The following PKIA variants were observed in gnomAD, a reference collection of about 807,000 sequenced individuals.
PKIA encodes the protein cAMP-dependent protein kinase inhibitor alpha.
Under a neutral mutation model 7.6 loss-of-function variants are expected in PKIA, and 4 were observed. The ratio of observed to expected loss-of-function variants is 0.52; its 90% CI spans 0.26 to 1.20. The LOEUF (loss-of-function observed/expected upper bound fraction) is 1.20, where lower values mean the gene tolerates loss of function less well. Ranked by LOEUF, PKIA falls within the 50% of genes most tolerant of loss-of-function variation. The pLI is 0.13. For missense variants in PKIA, 73 were observed against 86.2 expected (o/e 0.85, Z 0.61); for synonymous variants, 21 against 30.7 (o/e 0.68, Z 1.04).
chr8:78,529,229 T>G (rs1242466096), intron 1 of PKIA, among the ~76,000 whole-genome samples: 3 of 152,162 alleles, frequency 2.0e-5, no homozygotes, highest in Non-Finnish European at 4.4e-5. Context: ...AAAATATACC[T>G]GCTACTTCCT....
At chr8:78,570,350 T>C (rs1807516238) in intron 1 of PKIA, among the ~76,000 whole-genome samples, 1 of 152,174 alleles carries the variant, frequency 6.6e-6, no homozygotes, top group Non-Finnish European at 1.5e-5. Flanking sequence ...AGATTTCGGA[T>C]CTGAAACTAT....
intron 1 of PKIA, among the ~76,000 whole-genome samples, chr8:78,522,378 G>A (rs941360583): frequency 6.6e-6 from 1 of 151,784 alleles, no homozygotes; most frequent in Non-Finnish European, 1.5e-5. Flanking sequence ...AAGAATGCTT[G>A]GAGTGGAATT....
rs1464376078 is a variant in PKIA at position 78,598,562 on chromosome 8, A to C, written c.151+27A>C. 9 of 1,581,350 alleles carry C rather than the reference A, an allele frequency of 5.7e-6. 1 individual carries two copies. In the South Asian group the frequency reaches 9.0e-5, roughly 16 times the overall value. ...TAAGTCATCTGGCACACATTTCTCT[A>C]TGAGCATGGAATGATTTGCGGCATT... On this transcript the variant is annotated intron_variant, in intron 3 of 3. Coordinates refer to ENST00000396418, the MANE Select transcript of PKIA (RefSeq NM_006823.4).
chr8:78,559,270 T>G (rs577072358), intron 1 of PKIA, among the ~76,000 whole-genome samples: 1 of 152,082 alleles, frequency 6.6e-6, no homozygotes, highest in African/African-American at 2.4e-5. Context: ...CTACCGACTC[T>G]AGGAAGTAGC....
In PKIA at chr8:78,543,395, C is replaced by G. The variant is rs112057407; in HGVS notation, c.-157+26927C>G. On this transcript the variant is annotated intron_variant, in intron 1 of 3. Transcript: ENST00000396418. ...CACAATGTCTTACATATTATTTCACCAGGCTAACAGATACCTGGAGTACAA... is the reference window on the plus strand; with the variant it reads ...CACAATGTCTTACATATTATTTCACGAGGCTAACAGATACCTGGAGTACAA... Among the ~76,000 whole-genome samples the G allele has an allele frequency of 6.4e-3, 980 of 152,264 alleles. 4 individuals carry two copies. Among genetic ancestry groups the G allele is most frequent in the Non-Finnish European group, 0.011 (724 of 68,010 alleles).
intron 3 of PKIA, among the ~76,000 whole-genome samples, chr8:78,599,332 ATAT>A (rs1808302010): frequency 6.6e-6 from 1 of 152,058 alleles, no homozygotes; most frequent in East Asian, 1.9e-4. Context: ...GGAAACCCTG[ATAT>A]TATGTGCATG....
Position 78,543,821 on chromosome 8 carries a change from G to A in PKIA, c.-157+27353G>A, listed in dbSNP as rs115376411. 3.4e-3 allele frequency among the ~76,000 whole-genome samples: 510 copies of A among 152,216 alleles called. 4 individuals are homozygous for A. Among genetic ancestry groups the A allele is most frequent in the African/African-American group, 0.011 (476 of 41,526 alleles). ...TTGTTTTCTCTAAAATTACGATGTC[G>A]TGTTGCTGCCCATTGAATATATCCA... On this transcript the variant is annotated intron_variant, in intron 1 of 3. Coordinates refer to ENST00000396418, the MANE Select transcript of PKIA (RefSeq NM_006823.4).
intron 1 of PKIA, among the ~76,000 whole-genome samples, chr8:78,571,666 C>T (rs956229572): frequency 1.3e-5 from 2 of 152,096 alleles, no homozygotes; most frequent in Non-Finnish European, 2.9e-5. Flanking sequence ...GGCTTTCTTT[C>T]ATGCCTCTAT....
At chr8:78,563,039 A>G (rs949975304) in intron 1 of PKIA, among the ~76,000 whole-genome samples, 1 of 152,210 alleles carries the variant, frequency 6.6e-6, no homozygotes, top group African/African-American at 2.4e-5. Context: ...TCACTTAGTA[A>G]TTCACATGCA....
chr8:78,528,843 T>C (rs1332796846), intron 1 of PKIA, among the ~76,000 whole-genome samples: 1 of 151,852 alleles, frequency 6.6e-6, no homozygotes, highest in African/African-American at 2.4e-5. Flanking sequence ...AACACAAATA[T>C]TTGTGACATT....
At chr8:78,532,495 G>C (rs1430641817) in intron 1 of PKIA, among the ~76,000 whole-genome samples, 2 of 141,058 alleles carry the variant, frequency 1.4e-5, no homozygotes, top group South Asian at 4.4e-4. Flanking sequence ...GGGTGACAGA[G>C]CAAGACTCCA....
At chr8:78,548,754 A>G (rs1806901220) in intron 1 of PKIA, among the ~76,000 whole-genome samples, 1 of 152,110 alleles carries the variant, frequency 6.6e-6, no homozygotes, top group South Asian at 2.1e-4. Flanking sequence ...GTTGACTTAG[A>G]TATTAAGAGA....
intron 1 of PKIA, among the ~76,000 whole-genome samples, chr8:78,562,085 C>T (rs973042137): frequency 6.6e-6 from 1 of 152,104 alleles, no homozygotes; most frequent in Non-Finnish European, 1.5e-5. Flanking sequence ...TACATAAAAC[C>T]TCTTATCGAG....
chr8:78,524,023 T>C lies in PKIA; in HGVS notation c.-157+7555T>C, dbSNP rs1242439230. ...ATTTATATATAAATATATATAAACG[T>C]TTATATAAACGTTTATATATATAAA... On this transcript the variant is annotated intron_variant, in intron 1 of 3. Transcript: ENST00000396418. Among the ~76,000 whole-genome samples the C allele has an allele frequency of 2.2e-4, 19 of 87,252 alleles. 3 individuals carry two copies. Among genetic ancestry groups the C allele is most frequent in the Non-Finnish European group, 6.6e-5 (3 of 45,620 alleles). The allele number at this position is 87,252 out of a possible 152,430, so 57.2% of individuals were successfully genotyped here. A position where few individuals can be genotyped will look rare whatever the true frequency, so the allele number is the denominator to read the frequency against.
intron 1 of PKIA, among the ~76,000 whole-genome samples, chr8:78,562,033 TGAAA>T (rs1807297970): frequency 6.6e-6 from 1 of 152,156 alleles, no homozygotes; most frequent in African/African-American, 2.4e-5. Flanking sequence ...CTTCTCCCAC[TGAAA>T]GGGAGAATAG....
chr8:78,521,704 A>C (rs1426387167), intron 1 of PKIA, among the ~76,000 whole-genome samples: 1 of 152,012 alleles, frequency 6.6e-6, no homozygotes, highest in Non-Finnish European at 1.5e-5. Flanking sequence ...TATAGATTTT[A>C]TAATTAAAAT....
chr8:78,596,601 C>G (rs1018768591), intron 2 of PKIA, among the ~76,000 whole-genome samples: 1 of 152,166 alleles, frequency 6.6e-6, no homozygotes, highest in African/African-American at 2.4e-5. Flanking sequence ...AGACTATTTT[C>G]TGCCATTCTG....
chr8:78,578,191 T>C (rs112196068), intron 2 of PKIA, among the ~76,000 whole-genome samples: 6,877 of 152,112 alleles, frequency 0.045, 197 homozygotes, highest in African/African-American at 0.076. Context: ...TGAATTCAAG[T>C]AAGTCATTTC....
intron 1 of PKIA, among the ~76,000 whole-genome samples, chr8:78,549,607 T>G (rs1806929153): frequency 1.3e-5 from 2 of 151,932 alleles, no homozygotes; most frequent in Non-Finnish European, 2.9e-5. Flanking sequence ...AAGTGCCTTA[T>G]TTGATCCTAT....
Sources: allele counts gnomAD v4.1 joint callset (sites outside exome capture counted in the v4.1 genomes callset), GRCh38; gene constraint gnomAD v4.1.1; transcripts MANE v1.5; gene names NCBI Gene and HGNC (gene_info 2026-07-23, HGNC 2026-07-21).